RBMS1: variants seen among roughly 807,000 people sequenced by gnomAD.
RBMS1 encodes the protein RNA-binding motif, single-stranded-interacting protein 1.
A neutral mutation model predicts 62.3 loss-of-function variants in RBMS1; 17 were observed. The ratio of observed to expected loss-of-function variants is 0.27; its 90% CI spans 0.19 to 0.41. RBMS1 has a LOEUF of 0.41. Among genes scored for constraint, RBMS1 ranks in the 10% least tolerant of loss-of-function variants. RBMS1 has a pLI of 1.00. For synonymous variants in RBMS1, 172 were observed against 170.0 expected, an observed-to-expected ratio of 1.01 and a Z score of -0.09; for missense variants, 334 against 504.5, an observed-to-expected ratio of 0.66 and a Z score of 3.24.
intron 7 of RBMS1, among the ~76,000 whole-genome samples, chr2:160,286,306 T>G (rs1268576711): frequency 1.9e-3 from 278 of 148,694 alleles, no homozygotes; most frequent in African/African-American, 5.7e-3. Flanking sequence ...TTCCTTTCTT[T>G]TTTTTTTTTT....
intron 1 of RBMS1, among the ~76,000 whole-genome samples, chr2:160,471,502 ATGTT>A (rs1684908146): frequency 6.6e-6 from 1 of 151,518 alleles, no homozygotes; most frequent in Non-Finnish European, 1.5e-5. Flanking sequence ...ATAGAGGAAA[ATGTT>A]TGAAATACAT....
chr2:160,386,786 T>C lies in RBMS1; in HGVS notation c.76-19395A>G, dbSNP rs770752324. Among the ~76,000 whole-genome samples the C allele has an allele frequency of 3.4e-4, 51 of 152,172 alleles. 1 individual carries two copies. Among genetic ancestry groups the C allele is most frequent in the African/African-American group, 1.2e-3 (51 of 41,450 alleles). On this transcript the variant is annotated intron_variant, in intron 1 of 13. Transcript: ENST00000348849. ...AACTGTGACAAATAGATTTCTGTTG[T>C]TGATAAGCCACCTAGTCTACTTTGT...
At chr2:160,330,547 CA>C (rs1286696852) in intron 2 of RBMS1, among the ~76,000 whole-genome samples, 2 of 151,484 alleles carry the variant, frequency 1.3e-5, no homozygotes, top group Non-Finnish European at 2.9e-5. Flanking sequence ...AGGTCTTATA[CA>C]TAAGTTCCAA....
intron 6 of RBMS1, among the ~76,000 whole-genome samples, chr2:160,296,435 A>G (rs1045430427): frequency 1.3e-5 from 2 of 152,240 alleles, no homozygotes; most frequent in Non-Finnish European, 2.9e-5. Context: ...TTTCTCTATG[A>G]AATGAAAAGC....
intron 1 of RBMS1, among the ~76,000 whole-genome samples, chr2:160,382,338 C>A (rs1210386624): frequency 5.9e-5 from 9 of 152,120 alleles, no homozygotes; most frequent in African/African-American, 2.2e-4. Flanking sequence ...TATTTCCTCT[C>A]CAGACTAAAG....
chr2:160,391,521 GC>G (rs1694864418), intron 1 of RBMS1, among the ~76,000 whole-genome samples: 1 of 152,004 alleles, frequency 6.6e-6, no homozygotes, highest in South Asian at 2.1e-4. Flanking sequence ...GTCTGCTTGG[GC>G]CAGGTTGTCC....
At chr2:160,311,234 A>ATCTATATATC (rs781541742) in intron 4 of RBMS1, among the ~76,000 whole-genome samples, 8 of 107,448 alleles carry the variant, frequency 7.4e-5, no homozygotes, top group African/African-American at 1.3e-4. Flanking sequence ...CTATCTATCT[A>ATCTATATATC]TATATATATA....
intron 1 of RBMS1, among the ~76,000 whole-genome samples, chr2:160,375,546 T>G (rs930285488): frequency 6.6e-6 from 1 of 152,220 alleles, no homozygotes; most frequent in Non-Finnish European, 1.5e-5. Context: ...CTTAGCAGCC[T>G]GCCATCTTTG....
At chr2:160,454,765 T>C (rs1242776709) in intron 1 of RBMS1, among the ~76,000 whole-genome samples, 1 of 152,102 alleles carries the variant, frequency 6.6e-6, no homozygotes, top group African/African-American at 2.4e-5. Flanking sequence ...GGGTTTTAGG[T>C]AGTGGGGGTG....
intron 1 of RBMS1, among the ~76,000 whole-genome samples, chr2:160,367,965 C>A (rs906226790): frequency 6.6e-6 from 1 of 152,124 alleles, no homozygotes; most frequent in African/African-American, 2.4e-5. Context: ...CTCTGGCTAA[C>A]CTTGTGAAAT....
intron 3 of RBMS1, among the ~76,000 whole-genome samples, chr2:160,313,906 A>G (rs903789637): frequency 1.3e-5 from 2 of 152,252 alleles, no homozygotes; most frequent in African/African-American, 2.4e-5. Flanking sequence ...GTCTAAAAAC[A>G]AAACATAACA....
intron 1 of RBMS1, among the ~76,000 whole-genome samples, chr2:160,376,707 C>T (rs1184493834): frequency 6.6e-6 from 1 of 151,986 alleles, no homozygotes; most frequent in African/African-American, 2.4e-5. Flanking sequence ...GCAATCATGG[C>T]TCACCACACC....
intron 1 of RBMS1, among the ~76,000 whole-genome samples, chr2:160,384,858 T>C (rs1559481885): frequency 1.3e-5 from 2 of 152,218 alleles, no homozygotes; most frequent in African/African-American, 2.4e-5. Context: ...ATCCCCACTG[T>C]TGAAGGTGGG....
intron 1 of RBMS1, among the ~76,000 whole-genome samples, chr2:160,371,577 G>A (rs1693725471): frequency 6.6e-6 from 1 of 152,138 alleles, no homozygotes; most frequent in African/African-American, 2.4e-5. Context: ...ATATTTATAT[G>A]GGCTTAATTT....
chr2:160,305,887 TC>T (rs1319055178), intron 4 of RBMS1, among the ~76,000 whole-genome samples: 3 of 151,976 alleles, frequency 2.0e-5, no homozygotes, highest in Admixed American at 2.0e-4. Context: ...ACACTTGCAA[TC>T]CCAGTATAGG....
rs1325049877 is a variant in RBMS1, at chr2:160,272,298, G to C, written c.*2474C>G. ...AAAACTACAGAGTTATCTTGAACCG[G>C]ACAAATAAGTTACCACTGGCAAGTC... On this transcript the variant is annotated 3_prime_UTR_variant, in exon 14 of 14. Transcript: ENST00000348849. 6.6e-6 allele frequency: 1 copy of C among 152,054 alleles called. No homozygotes were observed. The highest frequency in any genetic ancestry group is 6.6e-5 in the Admixed American group (1 of 15,256). The allele number at this position is 152,054 out of a possible 1,614,324, so 9.4% of individuals were successfully genotyped here.
At chr2:160,318,442 G>A (rs560411919) in intron 2 of RBMS1, among the ~76,000 whole-genome samples, 11 of 152,248 alleles carry the variant, frequency 7.2e-5, no homozygotes, top group Admixed American at 5.9e-4. Flanking sequence ...TGTTTGAATT[G>A]TGGGATTGCA....
chr2:160,460,712 A>G (rs934431508), intron 1 of RBMS1, among the ~76,000 whole-genome samples: 3 of 152,136 alleles, frequency 2.0e-5, no homozygotes, highest in South Asian at 2.1e-4. Context: ...TTTCACTAAT[A>G]TATCTTATTC....
chr2:160,486,291 C>T (rs560450202), intron 1 of RBMS1, among the ~76,000 whole-genome samples: 1 of 152,170 alleles, frequency 6.6e-6, no homozygotes, highest in African/African-American at 2.4e-5. Flanking sequence ...CACCCCCCAC[C>T]CCCAGTCCAA....
Sources: gnomAD v4.1 joint callset for allele counts (sites outside exome capture counted in the v4.1 genomes callset) on GRCh38, gnomAD v4.1.1 for gene constraint, MANE v1.5 for transcripts, NCBI Gene and HGNC (gene_info 2026-07-23, HGNC 2026-07-21) for gene names.